The following CTNNA3 variants were observed in gnomAD, a reference collection of about 807,000 sequenced individuals.
CTNNA3 encodes catenin alpha 3.
In CTNNA3, 76 loss-of-function variants were observed where a neutral mutation model predicts 95.7. The ratio of observed to expected loss-of-function variants is 0.79; its 90% CI spans 0.66 to 0.96. CTNNA3 has a LOEUF of 0.96. CTNNA3 is among the 40% of genes least tolerant of loss of function. The pLI is 0.00. For missense variants in CTNNA3, 1,191 were observed against 1,089.8 expected (o/e 1.09, Z -1.31); for synonymous variants, 431 against 374.4 (o/e 1.15, Z -1.74).
intron 7 of CTNNA3, among the ~76,000 whole-genome samples, chr10:67,067,926 A>G (rs977523515): frequency 1.3e-5 from 2 of 152,202 alleles, no homozygotes; most frequent in African/African-American, 4.8e-5. Flanking sequence ...TGTCAATTCA[A>G]TCTGGCAGGT....
chr10:67,750,628 T>C, intron 1 of CTNNA3: 1 of 1,549,184 alleles, frequency 6.5e-7, no homozygotes. Context: ...AGCACAGGGA[T>C]ACAAGTCTGG....
rs1204975820 is a variant in CTNNA3 at position 67,166,977 on chromosome 10, C to A, written c.1047+13340G>T. 3.9e-5 allele frequency among the ~76,000 whole-genome samples: 6 copies of A among 152,020 alleles called. No individual in the cohort carries two copies. The East Asian group carries it at 9.7e-4, about 24-fold the overall frequency. ...CAAAAATTAGCCGGGTGTGGTGGCA[C>A]ATGCCTGTAGTCCCAGCTACTCAGG... On this transcript the variant is annotated intron_variant, in intron 7 of 17. Transcript: ENST00000433211.
At chr10:66,610,115 G>C (rs1349564704) in intron 10 of CTNNA3, among the ~76,000 whole-genome samples, 1 of 152,114 alleles carries the variant, frequency 6.6e-6, no homozygotes. Context: ...GAGGATGGGA[G>C]GAGGAAGAGG....
intron 9 of CTNNA3, among the ~76,000 whole-genome samples, chr10:66,630,837 C>A (rs1368985904): frequency 6.6e-6 from 1 of 152,134 alleles, no homozygotes; most frequent in Non-Finnish European, 1.5e-5. Context: ...AAGCACATAG[C>A]AAATTGCAGG....
chr10:66,127,368 A>G (rs1345142202), intron 13 of CTNNA3, among the ~76,000 whole-genome samples: 1 of 152,046 alleles, frequency 6.6e-6, no homozygotes, highest in Non-Finnish European at 1.5e-5. Context: ...GCAATACCTA[A>G]TATCAATACT....
At chr10:67,739,325 G>A (rs1444598017) in intron 1 of CTNNA3, among the ~76,000 whole-genome samples, 2 of 152,054 alleles carry the variant, frequency 1.3e-5, no homozygotes, top group Non-Finnish European at 2.9e-5. Context: ...GGCAGGAGAA[G>A]GAAATAAAGG....
chr10:67,015,058 T>C (rs1852571948), intron 7 of CTNNA3, among the ~76,000 whole-genome samples: 2 of 152,016 alleles, frequency 1.3e-5, no homozygotes, highest in Admixed American at 6.5e-5. Context: ...AGGTAAAAAA[T>C]GGAAAAACTT....
intron 3 of CTNNA3, among the ~76,000 whole-genome samples, chr10:67,557,034 G>A (rs1051992393): frequency 5.3e-5 from 8 of 152,154 alleles, no homozygotes; most frequent in African/African-American, 1.9e-4. Context: ...TTCAGGAGCA[G>A]GTTGTTCAGT....
At chr10:66,217,009 T>C (rs1222724981) in intron 13 of CTNNA3, among the ~76,000 whole-genome samples, 9 of 152,180 alleles carry the variant, frequency 5.9e-5, no homozygotes. Flanking sequence ...TAAACCCTGA[T>C]AACCACTTAC....
chr10:67,444,888 G>A (rs1255372403), intron 5 of CTNNA3, among the ~76,000 whole-genome samples: 1 of 151,972 alleles, frequency 6.6e-6, no homozygotes, highest in Non-Finnish European at 1.5e-5. Context: ...TAAGCAAAGA[G>A]ATCCAAGCCA....
intron 1 of CTNNA3, among the ~76,000 whole-genome samples, chr10:67,663,102 A>C (rs2133531033): frequency 6.6e-6 from 1 of 152,194 alleles, no homozygotes; most frequent in South Asian, 2.1e-4. Context: ...TGGTGCCTAA[A>C]CCCTACCTAA....
At chr10:66,270,087 A>G (rs1323741055) in intron 13 of CTNNA3, among the ~76,000 whole-genome samples, 1 of 152,208 alleles carries the variant, frequency 6.6e-6, no homozygotes, top group Non-Finnish European at 1.5e-5. Context: ...TAATTTTTGT[A>G]GTATAAAATT....
chr10:67,718,664 A>C (rs1841159477), intron 1 of CTNNA3, among the ~76,000 whole-genome samples: 1 of 152,126 alleles, frequency 6.6e-6, no homozygotes, highest in Non-Finnish European at 1.5e-5. Flanking sequence ...AGCCCACTTG[A>C]TTGTGGTAGA....
chr10:66,461,218 C>A (rs2093527108), intron 11 of CTNNA3, among the ~76,000 whole-genome samples: 1 of 151,992 alleles, frequency 6.6e-6, no homozygotes, highest in South Asian at 2.1e-4. Flanking sequence ...TGGAGGGTAT[C>A]TGATAAAGAC....
intron 10 of CTNNA3, among the ~76,000 whole-genome samples, chr10:66,541,250 C>T (rs1330430120): frequency 6.6e-6 from 1 of 152,114 alleles, no homozygotes; most frequent in East Asian, 1.9e-4. Context: ...AGGAATCTGA[C>T]TTGTTTCATT....
chr10:67,225,289 C>T (rs535806056), intron 5 of CTNNA3, among the ~76,000 whole-genome samples: 4 of 152,176 alleles, frequency 2.6e-5, no homozygotes, highest in African/African-American at 9.7e-5. Flanking sequence ...TCCCTATCCA[C>T]CCTGGTAGCT....
chr10:66,553,363 A>T (rs1011930000), intron 10 of CTNNA3, among the ~76,000 whole-genome samples: 3 of 147,362 alleles, frequency 2.0e-5, no homozygotes, highest in Non-Finnish European at 4.5e-5. Flanking sequence ...TGTTTATTTT[A>T]TTTTTTGCTT....
chr10:66,453,383 T>A (rs141334980), intron 11 of CTNNA3, among the ~76,000 whole-genome samples: 1 of 152,338 alleles, frequency 6.6e-6, no homozygotes, highest in East Asian at 1.9e-4. Flanking sequence ...GATAAACCCA[T>A]TGGGCAATTA....
At chr10:66,552,104 C>T (rs1296945803) in intron 10 of CTNNA3, among the ~76,000 whole-genome samples, 1 of 151,834 alleles carries the variant, frequency 6.6e-6, no homozygotes, top group Non-Finnish European at 1.5e-5. Context: ...GGGGTTTCAT[C>T]GTGTTAGCCA....
Sources: gnomAD v4.1 joint callset for allele counts (sites outside exome capture counted in the v4.1 genomes callset) on GRCh38, gnomAD v4.1.1 for gene constraint, MANE v1.5 for transcripts, NCBI Gene and HGNC (gene_info 2026-07-23, HGNC 2026-07-21) for gene names.